The following TAF4B variants were observed in gnomAD, a reference collection of about 807,000 sequenced individuals.
TAF4B encodes transcription initiation factor TFIID subunit 4B.
In TAF4B, 38 loss-of-function variants were observed where a neutral mutation model predicts 86.4. The ratio of observed to expected loss-of-function variants is 0.44; its 90% CI spans 0.34 to 0.58. TAF4B has a LOEUF of 0.58. TAF4B is among the 20% of genes least tolerant of loss of function. TAF4B has a pLI of 0.02. For synonymous variants in TAF4B, 388 were observed against 391.2 expected, an observed-to-expected ratio of 0.99 and a Z score of 0.10; for missense variants, 988 against 1,027.6, an observed-to-expected ratio of 0.96 and a Z score of 0.53.
In TAF4B at chr18:26,390,221, A is replaced by G; in HGVS notation, c.*209A>G. On this transcript the variant is annotated 3_prime_UTR_variant, in exon 15 of 15. Coordinates refer to ENST00000269142, the MANE Select transcript of TAF4B (RefSeq NM_005640.3). The stretch of plus-strand genomic sequence containing the variant: ...CATCTTTGTCTTCTGAAAATCAGTT[A>G]TGAAATACACTTTGCACAGAATTAG... 1 of 504,922 alleles carries G rather than the reference A, an allele frequency of 2.0e-6. No individual in the cohort carries two copies. 31.3% of individuals were successfully genotyped at this position (504,922 alleles called of 1,614,324 possible).
At chr18:26,335,260 T>C (rs1170373384) in intron 13 of TAF4B, 29 bp downstream of exon 13, 1 of 1,604,792 alleles carries the variant, frequency 6.2e-7, no homozygotes, top group Admixed American at 1.7e-5. Flanking sequence ...CATGCTTGTC[T>C]TTGTGTTTGA....
At chr18:26,387,752 G>A (rs1978461098) in intron 14 of TAF4B, among the ~76,000 whole-genome samples, 1 of 152,054 alleles carries the variant, frequency 6.6e-6, no homozygotes, top group Non-Finnish European at 1.5e-5. Flanking sequence ...TTTAGAACGT[G>A]GACTTTCCAA....
intron 3 of TAF4B, among the ~76,000 whole-genome samples, chr18:26,269,813 G>A (rs1360948511): frequency 6.6e-6 from 1 of 152,114 alleles, no homozygotes; most frequent in African/African-American, 2.4e-5. Context: ...CTAGTATGTG[G>A]CAGAGTGAGG....
intron 1 of TAF4B, among the ~76,000 whole-genome samples, chr18:26,247,054 G>A (rs1044810847): frequency 6.6e-6 from 1 of 151,878 alleles, no homozygotes; most frequent in African/African-American, 2.4e-5. Flanking sequence ...TAGTAGAAAT[G>A]GGGTTTCTCC....
intron 13 of TAF4B, among the ~76,000 whole-genome samples, chr18:26,348,011 G>A (rs1278255059): frequency 1.4e-4 from 22 of 152,156 alleles, no homozygotes; most frequent in Non-Finnish European, 7.4e-5. Flanking sequence ...GACAGATCAT[G>A]TAGACAGAAA....
intron 14 of TAF4B, among the ~76,000 whole-genome samples, chr18:26,368,563 C>T (rs1222094445): frequency 6.6e-6 from 1 of 152,154 alleles, no homozygotes; most frequent in Non-Finnish European, 1.5e-5. Flanking sequence ...CCACAGTTTT[C>T]TAAAGGGTTC....
chr18:26,236,106 C>T (rs2055744125), intron 1 of TAF4B, among the ~76,000 whole-genome samples: 1 of 152,170 alleles, frequency 6.6e-6, no homozygotes, highest in Non-Finnish European at 1.5e-5. Context: ...TGATTCCCTC[C>T]TCAACTAGGG....
In TAF4B at chr18:26,251,962, A is replaced by G. The variant is rs1030662610; in HGVS notation, c.344-13208A>G. Among the ~76,000 whole-genome samples the G allele has an allele frequency of 2.2e-4, 34 of 152,180 alleles. 1 individual carries two copies. Among genetic ancestry groups the G allele is most frequent in the African/African-American group, 7.0e-4 (29 of 41,446 alleles). On this transcript the variant is annotated intron_variant, in intron 1 of 14. Coordinates refer to ENST00000269142, the MANE Select transcript of TAF4B (RefSeq NM_005640.3). The stretch of plus-strand genomic sequence containing the variant: ...TGATGTTTTGAGTACTTAGTTGAAG[A>G]AAAGTTTGAATTGTGGACCTCTTGG...
intron 13 of TAF4B, among the ~76,000 whole-genome samples, chr18:26,347,006 C>T (rs578224320): frequency 6.5e-4 from 95 of 145,574 alleles, no homozygotes; most frequent in African/African-American, 2.1e-3. Flanking sequence ...CTGCAACCTC[C>T]GCCTCCTGGG....
At chr18:26,275,305 A>G (rs2144566966) in intron 5 of TAF4B, among the ~76,000 whole-genome samples, 1 of 152,180 alleles carries the variant, frequency 6.6e-6, no homozygotes, top group African/African-American at 2.4e-5. Context: ...ACAGGTGTGC[A>G]TCACCACGCT....
At chr18:26,322,734 C>T (rs1321684378) in intron 11 of TAF4B, among the ~76,000 whole-genome samples, 1 of 151,800 alleles carries the variant, frequency 6.6e-6, no homozygotes, top group Admixed American at 6.6e-5. Flanking sequence ...TTTTTGATTT[C>T]GTGTATCTCC....
chr18:26,372,835 T>A (rs2057415587), intron 14 of TAF4B, among the ~76,000 whole-genome samples: 3 of 17,946 alleles, frequency 1.7e-4, no homozygotes, highest in Non-Finnish European at 7.2e-4. Flanking sequence ...CCGGGCATAG[T>A]GGCGGGTGCT....
chr18:26,244,604 A>G lies in TAF4B; in HGVS notation c.343+17328A>G, dbSNP rs533425468. ...TGTCCAACAAGTCCCAGTTAGATGAACCCAGTACCTCAGTTGGGGATGCAG... is the reference window on the plus strand; with the variant it reads ...TGTCCAACAAGTCCCAGTTAGATGAGCCCAGTACCTCAGTTGGGGATGCAG... On this transcript the variant is annotated intron_variant, in intron 1 of 14. Coordinates refer to ENST00000269142, the MANE Select transcript of TAF4B (RefSeq NM_005640.3). 4.6e-5 allele frequency among the ~76,000 whole-genome samples: 7 copies of G among 152,122 alleles called. No homozygotes were observed. The South Asian group carries it at 1.2e-3, about 27-fold the overall frequency.
chr18:26,378,149 G>T (rs1159201996), intron 14 of TAF4B, among the ~76,000 whole-genome samples: 1 of 152,124 alleles, frequency 6.6e-6, no homozygotes, highest in African/African-American at 2.4e-5. Context: ...GGTGGGGTGG[G>T]TTGTGTGCTG....
intron 14 of TAF4B, among the ~76,000 whole-genome samples, chr18:26,387,744 T>G (rs1040298056): frequency 2.0e-5 from 3 of 152,224 alleles, no homozygotes; most frequent in Non-Finnish European, 4.4e-5. Flanking sequence ...TTCCCTCTTT[T>G]AGAACGTGGA....
chr18:26,275,142 TTTAA>T, intron 5 of TAF4B, 89 bp downstream of exon 5: 1 of 1,296,010 alleles, frequency 7.7e-7, no homozygotes, highest in Non-Finnish European at 1.0e-6. Flanking sequence ...ATGGGATTTA[TTTAA>T]TTTATTTATT....
At chr18:26,352,398 G>A (rs1310431829) in intron 13 of TAF4B, among the ~76,000 whole-genome samples, 1 of 151,838 alleles carries the variant, frequency 6.6e-6, no homozygotes, top group Non-Finnish European at 1.5e-5. Context: ...GGAATAGGAA[G>A]AGCAATATAG....
intron 6 of TAF4B, among the ~76,000 whole-genome samples, chr18:26,285,227 T>TTTTTTTTTGTTTTTTTTTTTG (rs1568127624): frequency 5.6e-5 from 7 of 125,142 alleles, no homozygotes; most frequent in Admixed American, 4.1e-4. Context: ...TTTTTGTTTT[T>TTTTTTTTTGTTTTTTTTTTTG]TTTTTTTTTG....
chr18:26,344,867 A>C (rs1400965835), intron 13 of TAF4B, among the ~76,000 whole-genome samples: 1 of 152,172 alleles, frequency 6.6e-6, no homozygotes, highest in Non-Finnish European at 1.5e-5. Flanking sequence ...CCAGGAGGGC[A>C]GCATGAGGGT....
Sources: allele counts gnomAD v4.1 joint callset (sites outside exome capture counted in the v4.1 genomes callset), GRCh38; gene constraint gnomAD v4.1.1; transcripts MANE v1.5; gene names NCBI Gene and HGNC (gene_info 2026-07-23, HGNC 2026-07-21).